Variants in TUT7 observed in about 807,000 individuals in gnomAD.
The protein encoded by TUT7 is terminal uridylyltransferase 7.
TUT7 carries 33 observed loss-of-function variants against 165.9 expected under a neutral mutation model. That is an observed-to-expected ratio of 0.20 (90% CI 0.15 to 0.27). TUT7 has a LOEUF of 0.27. Among genes scored for constraint, TUT7 ranks in the 10% least tolerant of loss-of-function variants. The pLI is 1.00. For missense variants in TUT7, 1,338 were observed against 1,762.3 expected, an observed-to-expected ratio of 0.76 and a Z score of 4.31; for synonymous variants, 552 against 608.1, an observed-to-expected ratio of 0.91 and a Z score of 1.36.
At chr9:86,296,604 C>T (rs1359545216) in intron 26 of TUT7, among the ~76,000 whole-genome samples, 1 of 152,310 alleles carries the variant, frequency 6.6e-6, no homozygotes, top group East Asian at 1.9e-4. Flanking sequence ...CTGGGCAGTA[C>T]TTTAATCTTC....
In TUT7 at chr9:86,319,656, T is replaced by C. The variant is rs1829046341; in HGVS notation, c.3043A>G (p.Thr1015Ala). Residue 1015 changes from threonine to alanine, a missense_variant, in exon 15 of 27, where the codon ACA becomes GCA. Physicochemically the swap from Thr to Ala is moderately conservative, Grantham distance 58. Coordinates refer to ENST00000375963, the MANE Select transcript of TUT7 (RefSeq NM_024617.4). Reference sequence around the variant, plus strand: ...TCACGAGCCTGATCTTCTATAATTGTTGGAGAAAAATCCTCTGTTTAAAAA... The same window carrying C: ...TCACGAGCCTGATCTTCTATAATTGCTGGAGAAAAATCCTCTGTTTAAAAA... ...CIQCYKDFSP[T>A]IIEDQAREHI... 2.5e-6 allele frequency: 4 copies of C among 1,607,244 alleles called. No individual in the cohort carries two copies. Among genetic ancestry groups the C allele is most frequent in the South Asian group, 2.2e-5 (2 of 88,956 alleles).
chr9:86,323,899 A>G lies in TUT7; in HGVS notation c.1851T>C (p.Tyr617=). ...ATGTTGTCCTTAAACAATGAAGTAT[A>G]TATTCAAACACAGGTTGACTATTTA... ...RTLNSQPVFE[Y]ILHCLRTTYK... is the part of the protein sequence containing the mutation. Residue 617 remains tyrosine, a synonymous_variant, in exon 13 of 27, where the codon TAT becomes TAC. Coordinates refer to ENST00000375963, the MANE Select transcript of TUT7 (RefSeq NM_024617.4). The G allele has an allele frequency of 6.2e-7, 1 of 1,612,964 alleles. No individual in the cohort carries two copies. The highest frequency in any genetic ancestry group is 1.3e-5 in the African/African-American group (1 of 75,020).
chr9:86,312,739 T>G (rs1275943297), intron 17 of TUT7, among the ~76,000 whole-genome samples: 2 of 152,070 alleles, frequency 1.3e-5, no homozygotes, highest in African/African-American at 2.4e-5. Context: ...GAGGTAGACA[T>G]GGGAGACTTT....
At position 86,339,274 on chromosome 9, in the gene TUT7, C is replaced by T. The variant is rs1456285485; in HGVS notation, c.1209-325G>A. ...AGGCATGGTGGCTCACGCCTGTAATCCCAGCACTTTGGGAGGCCAAGGCGG... is the reference window on the plus strand; with the variant it reads ...AGGCATGGTGGCTCACGCCTGTAATTCCAGCACTTTGGGAGGCCAAGGCGG... On this transcript the variant is annotated intron_variant, in intron 8 of 26. Transcript: ENST00000375963. Among the ~76,000 whole-genome samples the T allele has an allele frequency of 5.9e-5, 9 of 152,200 alleles. No homozygotes were observed. In the East Asian group the frequency reaches 1.5e-3, roughly 26 times the overall value.
At chr9:86,326,158 G>A (rs932257121) in intron 11 of TUT7, among the ~76,000 whole-genome samples, 1 of 152,194 alleles carries the variant, frequency 6.6e-6, no homozygotes, top group Admixed American at 6.5e-5. Flanking sequence ...ATTCTGCCAC[G>A]TCATAGCTCT....
intron 10 of TUT7, among the ~76,000 whole-genome samples, chr9:86,328,992 C>G (rs976063755): frequency 6.6e-6 from 1 of 152,140 alleles, no homozygotes; most frequent in African/African-American, 2.4e-5. Flanking sequence ...TTAATAAATA[C>G]AAGACAACTA....
At chr9:86,327,374 A>C (rs1439870177) in intron 11 of TUT7, among the ~76,000 whole-genome samples, 1 of 152,234 alleles carries the variant, frequency 6.6e-6, no homozygotes, top group East Asian at 1.9e-4. Context: ...TGCTCACCAC[A>C]TGCTCGGCAC....
intron 22 of TUT7, among the ~76,000 whole-genome samples, chr9:86,305,911 A>C (rs1827421674): frequency 6.6e-6 from 1 of 152,180 alleles, no homozygotes; most frequent in Admixed American, 6.5e-5. Flanking sequence ...TATGTTTTGG[A>C]ATACTGTTTG....
chr9:86,346,358 G>C lies in TUT7; in HGVS notation c.643C>G (p.Leu215Val), dbSNP rs1831764044. The stretch of plus-strand genomic sequence containing the variant: ...CTCTCCTCAGCCTGCTGTAAGCCTA[G>C]CAGCTCCTTCGTTGAAAGTACAGAC... ...DESVLSTKEL[L>V]GLQQAEERLK... Residue 215 changes from leucine to valine, a missense_variant, in exon 3 of 27, where the codon CTA becomes GTA. Physicochemically the swap from Leu to Val is conservative, Grantham distance 32 (BLOSUM62 1). Transcript: ENST00000375963. 6.2e-7 allele frequency: 1 copy of C among 1,613,980 alleles called. No individual in the cohort carries two copies. The highest frequency in any genetic ancestry group is 1.7e-5 in the Admixed American group (1 of 59,988).
At chr9:86,341,118 G>T in intron 6 of TUT7, 65 bp from the exon 7 acceptor site, 1 of 1,320,072 alleles carries the variant, frequency 7.6e-7, no homozygotes, top group Non-Finnish European at 1.1e-6. Context: ...TGATATAAGA[G>T]TCATCCGAAG....
chr9:86,323,506 C>G lies in TUT7; in HGVS notation c.2244G>C (p.Arg748Ser). 6.2e-7 allele frequency: 1 copy of G among 1,614,236 alleles called. No individual in the cohort carries two copies. The highest frequency in any genetic ancestry group is 8.5e-7 in the Non-Finnish European group (1 of 1,180,038). ...GDKVYHPETG[R>S]KNEKEKVGRK... is the part of the protein sequence containing the mutation. ...TTCCAACTTTCTCTTTCTCGTTTTT[C>G]CTTCCTGTTTCTGGATGGTATACTT... The change falls in exon 13 of 27, where the codon AGG (arginine) becomes AGC (serine). Residue 748 changes from arginine to serine, a missense_variant. By Grantham distance (110) the Arg-to-Ser change is moderately radical. Transcript: ENST00000375963.
At chr9:86,310,616 T>G in intron 18 of TUT7, 90 bp downstream of exon 18, 1 of 597,518 alleles carries the variant, frequency 1.7e-6, no homozygotes. Flanking sequence ...TAAGATGAAA[T>G]GAATGTGACT....
intron 9 of TUT7, among the ~76,000 whole-genome samples, chr9:86,338,570 T>C (rs1163368297): frequency 6.6e-6 from 1 of 152,190 alleles, no homozygotes; most frequent in Non-Finnish European, 1.5e-5. Context: ...GGCCTTATCC[T>C]CTGAGATTTA....
Position 86,325,317 on chromosome 9 carries a change from T to A in TUT7, c.1789+17A>T. On this transcript the variant is annotated intron_variant, in intron 12 of 26. Transcript: ENST00000375963. ...AAAAAAAGAGTGGGGGGGAATAAGA[T>A]AAACATTTTGAGATACCTTCAATGG... 6 of 1,610,412 alleles carry A rather than the reference T, an allele frequency of 3.7e-6. No homozygotes were observed. Among genetic ancestry groups the A allele is most frequent in the Non-Finnish European group, 5.1e-6 (6 of 1,177,406 alleles).
At chr9:86,331,321 A>T (rs1173069004) in intron 10 of TUT7, among the ~76,000 whole-genome samples, 1 of 152,154 alleles carries the variant, frequency 6.6e-6, no homozygotes, top group South Asian at 2.1e-4. Flanking sequence ...AAAAATATGT[A>T]TTCTCCAGTT....
At chr9:86,331,371 C>A (rs1030036350) in intron 10 of TUT7, among the ~76,000 whole-genome samples, 1 of 152,102 alleles carries the variant, frequency 6.6e-6, no homozygotes, top group Non-Finnish European at 1.5e-5. Context: ...TAGGTCAAGG[C>A]GGTTGATATG....
intron 8 of TUT7, among the ~76,000 whole-genome samples, chr9:86,339,329 A>G (rs1831121870): frequency 6.6e-6 from 1 of 152,114 alleles, no homozygotes; most frequent in African/African-American, 2.4e-5. Context: ...GATCGAGACC[A>G]TCCTGGGTGA....
intron 17 of TUT7, among the ~76,000 whole-genome samples, chr9:86,315,366 G>A (rs937909519): frequency 5.3e-5 from 8 of 152,018 alleles, no homozygotes; most frequent in African/African-American, 1.7e-4. Context: ...TATATACTGA[G>A]GTATTTAGGG....
chr9:86,304,312 G>A (rs915401081), intron 24 of TUT7, among the ~76,000 whole-genome samples: 107 of 152,096 alleles, frequency 7.0e-4, no homozygotes, highest in African/African-American at 2.5e-3. Flanking sequence ...CTAGTCCCTA[G>A]CCATTTTTCT....
Sources: gnomAD v4.1 joint callset for allele counts (sites outside exome capture counted in the v4.1 genomes callset) on GRCh38, gnomAD v4.1.1 for gene constraint, MANE v1.5 for transcripts, NCBI Gene and HGNC (gene_info 2026-07-23, HGNC 2026-07-21) for gene names.